The following ADARB2 variants were observed in gnomAD, a reference collection of about 807,000 sequenced individuals.
ADARB2 encodes the protein inactive double-stranded RNA-specific editase B2.
In ADARB2, 25 loss-of-function variants were observed where a neutral mutation model predicts 62.2. The observed-to-expected ratio is 0.40, with a 90% CI of 0.29 to 0.56. The LOEUF (loss-of-function observed/expected upper bound fraction) is 0.56, where lower values mean the gene tolerates loss of function less well. ADARB2 is among the 20% of genes least tolerant of loss of function. ADARB2 has a pLI of 0.43. For missense variants in ADARB2, 1,071 were observed against 1,077.4 expected (o/e 0.99, Z 0.08); for synonymous variants, 572 against 500.8 (o/e 1.14, Z -1.90).
At chr10:1,454,009 A>C (rs538950480) in intron 1 of ADARB2, among the ~76,000 whole-genome samples, 2 of 152,344 alleles carry the variant, frequency 1.3e-5, no homozygotes, top group Admixed American at 1.3e-4. Context: ...CATGCTGCTA[A>C]TAAAGACATA....
intron 1 of ADARB2, among the ~76,000 whole-genome samples, chr10:1,589,469 GTCCACAGTGGGGCA>G: frequency 6.6e-6 from 1 of 151,196 alleles, no homozygotes; most frequent in African/African-American, 2.4e-5. Flanking sequence ...TGGTTGGGGT[GTCCACAGTGGGGCA>G]TCCATGGTCA....
chr10:1,697,758 A>T (rs139437829), intron 1 of ADARB2, among the ~76,000 whole-genome samples: 1 of 152,146 alleles, frequency 6.6e-6, no homozygotes, highest in Admixed American at 6.5e-5. Flanking sequence ...GGGGCCCGTG[A>T]CCTGAGCACG....
rs566868110 is a variant in ADARB2, at chr10:1,227,157, TGC to T, written c.1513+6535_1513+6536del. Among the ~76,000 whole-genome samples the T allele has an allele frequency of 4.6e-4, 70 of 152,380 alleles. 1 individual carries two copies. The East Asian group carries it at 0.012, about 25-fold the overall frequency. On this transcript the variant is annotated intron_variant, in intron 6 of 9. Transcript: ENST00000381312. The stretch of plus-strand genomic sequence containing the variant: ...TGCCGCCTTGCAGTTTGATCTGGAC[TGC>T]TGTGCTAGCAATCAGCGAGACTCCG...
intron 1 of ADARB2, among the ~76,000 whole-genome samples, chr10:1,454,604 C>A (rs1474711509): frequency 2.0e-5 from 3 of 152,100 alleles, no homozygotes; most frequent in Non-Finnish European, 2.9e-5. Context: ...AACAATGTCA[C>A]CTGCATGAGG....
At chr10:1,469,721 AGCT>A (rs747830808) in intron 1 of ADARB2, among the ~76,000 whole-genome samples, 13 of 152,244 alleles carry the variant, frequency 8.5e-5, no homozygotes, top group Non-Finnish European at 1.8e-4. Flanking sequence ...TAACACCTGG[AGCT>A]GTGATACTAG....
intron 1 of ADARB2, among the ~76,000 whole-genome samples, chr10:1,393,322 G>A (rs571706036): frequency 2.0e-5 from 3 of 152,188 alleles, no homozygotes; most frequent in South Asian, 2.1e-4. Context: ...CATGGAAAAC[G>A]TGGTATCCAT....
At chr10:1,711,592 T>A (rs1256560319) in intron 1 of ADARB2, among the ~76,000 whole-genome samples, 2 of 152,234 alleles carry the variant, frequency 1.3e-5, no homozygotes, top group East Asian at 3.8e-4. Context: ...GCTGGAGACC[T>A]TTAGAGCTGA....
chr10:1,553,864 C>T (rs775971133), intron 1 of ADARB2, among the ~76,000 whole-genome samples: 6 of 152,212 alleles, frequency 3.9e-5, no homozygotes, highest in Non-Finnish European at 7.3e-5. Flanking sequence ...GCCCCAAACA[C>T]AAACCCTGCA....
intron 1 of ADARB2, among the ~76,000 whole-genome samples, chr10:1,685,396 T>G (rs1406978352): frequency 6.6e-6 from 1 of 152,200 alleles, no homozygotes; most frequent in African/African-American, 2.4e-5. Flanking sequence ...TGGGTACAGC[T>G]TCACCTTTCC....
At chr10:1,568,598 A>AGGAG (rs138694523) in intron 1 of ADARB2, among the ~76,000 whole-genome samples, 8 of 150,970 alleles carry the variant, frequency 5.3e-5, no homozygotes, top group East Asian at 2.0e-4. Context: ...GAAGGAGGAA[A>AGGAG]GGAGGGAGGG....
chr10:1,403,464 T>A (rs1165728418), intron 1 of ADARB2, among the ~76,000 whole-genome samples: 1 of 152,222 alleles, frequency 6.6e-6, no homozygotes, highest in East Asian at 1.9e-4. Flanking sequence ...ATACGTTTTT[T>A]AAGGGCTTTT....
chr10:1,399,368 G>C (rs1832642744), intron 1 of ADARB2, among the ~76,000 whole-genome samples: 1 of 152,168 alleles, frequency 6.6e-6, no homozygotes, highest in Non-Finnish European at 1.5e-5. Context: ...TTGCAGATGA[G>C]ACCCTTTTAT....
chr10:1,345,112 G>T (rs1167181486), intron 3 of ADARB2, among the ~76,000 whole-genome samples: 1 of 151,916 alleles, frequency 6.6e-6, no homozygotes, highest in African/African-American at 2.4e-5. Flanking sequence ...AGCCAGGAGG[G>T]CACGTGGAGG....
chr10:1,329,217 C>T (rs1159358744), intron 3 of ADARB2, among the ~76,000 whole-genome samples: 4 of 152,142 alleles, frequency 2.6e-5, no homozygotes, highest in Non-Finnish European at 5.9e-5. Flanking sequence ...GCATTCTGTG[C>T]CTGCTGCCAG....
At chr10:1,702,135 T>C (rs1392621883) in intron 1 of ADARB2, among the ~76,000 whole-genome samples, 3 of 152,246 alleles carry the variant, frequency 2.0e-5, no homozygotes, top group Admixed American at 2.0e-4. Context: ...GGACAGAGAA[T>C]GCTGCATCCC....
intron 1 of ADARB2, among the ~76,000 whole-genome samples, chr10:1,531,031 C>G (rs1490692910): frequency 6.6e-6 from 1 of 152,186 alleles, no homozygotes; most frequent in Admixed American, 6.5e-5. Context: ...TTTCTGCCTC[C>G]CATTAGGTTA....
chr10:1,479,847 A>G (rs1316491702), intron 1 of ADARB2, among the ~76,000 whole-genome samples: 3 of 152,218 alleles, frequency 2.0e-5, no homozygotes, highest in Non-Finnish European at 4.4e-5. Context: ...GCTTCTCTCA[A>G]TATCAAGACA....
Position 1,200,131 on chromosome 10 carries a change from G to T in ADARB2, c.1699C>A (p.Leu567Met). The change falls in exon 8 of 10, where the codon CTG becomes ATG. Residue 567 changes from leucine (L) to methionine (M), a missense_variant. Coordinates refer to ENST00000381312, the MANE Select transcript of ADARB2 (RefSeq NM_018702.4). Reference sequence around the variant, plus strand: ...AAGTGGGACAGGAGCGCGCCCTGCAGCCCCAGGACGTTCCACCTGTGGGGA... The same window carrying T: ...AAGTGGGACAGGAGCGCGCCCTGCATCCCCAGGACGTTCCACCTGTGGGGA... ...DKIARWNVLG[L>M]QGALLSHFVE... 1 of 1,550,598 alleles carries T rather than the reference G, an allele frequency of 6.4e-7. No individual in the cohort carries two copies. Among genetic ancestry groups the T allele is most frequent in the South Asian group, 1.2e-5 (1 of 84,082 alleles).
At chr10:1,199,078 C>T (rs1836948139) in intron 8 of ADARB2, among the ~76,000 whole-genome samples, 1 of 152,194 alleles carries the variant, frequency 6.6e-6, no homozygotes, top group African/African-American at 2.4e-5. Context: ...AGGTTTTCTC[C>T]GTTTCCCCCA....
Sources: allele counts gnomAD v4.1 joint callset (sites outside exome capture counted in the v4.1 genomes callset), GRCh38; gene constraint gnomAD v4.1.1; transcripts MANE v1.5; gene names NCBI Gene and HGNC (gene_info 2026-07-23, HGNC 2026-07-21).